NSMCE2: variants seen among roughly 807,000 people sequenced by gnomAD.
The protein encoded by NSMCE2 is E3 SUMO-protein ligase NSE2.
Under a neutral mutation model 23.8 loss-of-function variants are expected in NSMCE2, and 24 were observed. The observed-to-expected ratio is 1.01, with a 90% CI of 0.73 to 1.42. NSMCE2 has a LOEUF of 1.42. Among genes scored for constraint, NSMCE2 ranks in the 40% most tolerant of loss-of-function variants. The pLI is 0.00. For synonymous variants in NSMCE2, 92 were observed against 94.1 expected (o/e 0.98, Z 0.13); for missense variants, 284 against 296.5 (o/e 0.96, Z 0.31).
intron 5 of NSMCE2, among the ~76,000 whole-genome samples, chr8:125,320,329 A>G (rs1016203949): frequency 6.7e-6 from 1 of 149,894 alleles, no homozygotes; most frequent in African/African-American, 2.5e-5. Flanking sequence ...GAAGGGAAGG[A>G]AGGCAGGCTG....
chr8:125,183,402 A>AT (rs147597821), intron 5 of NSMCE2, among the ~76,000 whole-genome samples: 6,205 of 149,810 alleles, frequency 0.041, 416 homozygotes, highest in African/African-American at 0.15. Context: ...TTTTAAGTTT[A>AT]TTTTTGTTCT....
rs565593006 is a variant in NSMCE2 at position 125,170,376 on chromosome 8, C to CT, written c.265-11688dup. Among the ~76,000 whole-genome samples, 26 of 37,862 alleles carry CT rather than the reference C, an allele frequency of 6.9e-4. 2 individuals carry two copies. The highest frequency in any genetic ancestry group is 2.8e-3 in the East Asian group (2 of 726). 24.8% of individuals were successfully genotyped at this position (37,862 alleles called of 152,430 possible). On this transcript the variant is annotated intron_variant, in intron 4 of 7. Coordinates refer to ENST00000287437, the MANE Select transcript of NSMCE2 (RefSeq NM_173685.4). ...CATCAATAAACCTTACTCTTTATTT[C>CT]TTTTTTTTTTTTTTTTTTTTTTTTT...
At chr8:125,161,558 G>A (rs1400576383) in intron 4 of NSMCE2, among the ~76,000 whole-genome samples, 1 of 152,130 alleles carries the variant, frequency 6.6e-6, no homozygotes, top group Non-Finnish European at 1.5e-5. Flanking sequence ...AGCACTTTGG[G>A]AGGCTGAGGC....
intron 3 of NSMCE2, among the ~76,000 whole-genome samples, chr8:125,123,568 C>T (rs766569519): frequency 2.6e-5 from 4 of 152,260 alleles, no homozygotes; most frequent in Non-Finnish European, 5.9e-5. Flanking sequence ...ATATCTTCTG[C>T]AGTGCTAACC....
intron 5 of NSMCE2, among the ~76,000 whole-genome samples, chr8:125,242,547 C>T (rs535580712): frequency 6.6e-6 from 1 of 151,966 alleles, no homozygotes; most frequent in African/African-American, 2.4e-5. Flanking sequence ...TTGGTTCCAG[C>T]AAGAACTGTT....
intron 5 of NSMCE2, among the ~76,000 whole-genome samples, chr8:125,245,912 T>C (rs1330168607): frequency 6.6e-6 from 1 of 151,830 alleles, no homozygotes; most frequent in African/African-American, 2.4e-5. Flanking sequence ...TAATCCCAGC[T>C]ACTCGGGAGG....
intron 5 of NSMCE2, among the ~76,000 whole-genome samples, chr8:125,194,718 A>T (rs539810682): frequency 4.3e-4 from 66 of 152,116 alleles, no homozygotes; most frequent in African/African-American, 1.3e-3. Flanking sequence ...ATAAAATTTT[A>T]AAAAAAAGAA....
intron 5 of NSMCE2, among the ~76,000 whole-genome samples, chr8:125,255,459 A>G (rs965710488): frequency 6.6e-6 from 1 of 152,154 alleles, no homozygotes; most frequent in Non-Finnish European, 1.5e-5. Context: ...GACTCCCTCA[A>G]TGAATGAGAT....
Position 125,270,129 on chromosome 8 carries a change from G to A in NSMCE2, c.419-87090G>A, listed in dbSNP as rs557052233. 3.3e-5 allele frequency among the ~76,000 whole-genome samples: 5 copies of A among 152,274 alleles called. No homozygotes were observed. In the East Asian group the frequency reaches 9.7e-4, roughly 29 times the overall value. On this transcript the variant is annotated intron_variant, in intron 5 of 7. Coordinates refer to ENST00000287437, the MANE Select transcript of NSMCE2 (RefSeq NM_173685.4). ...GAGGTAAAAAATGAAGTTGGAGACA[G>A]TATACAGGAGATAGATTATGAACAT...
At chr8:125,173,529 A>T (rs1822326658) in intron 4 of NSMCE2, among the ~76,000 whole-genome samples, 1 of 152,226 alleles carries the variant, frequency 6.6e-6, no homozygotes, top group Admixed American at 6.5e-5. Flanking sequence ...ATGATAGGGT[A>T]TGTGGTAAGA....
intron 3 of NSMCE2, among the ~76,000 whole-genome samples, chr8:125,130,977 C>T (rs370003867): frequency 3.3e-5 from 5 of 152,146 alleles, no homozygotes; most frequent in Admixed American, 2.0e-4. Flanking sequence ...TTAGGGTTTA[C>T]GGACAGTTCT....
At chr8:125,173,825 C>T (rs1025415334) in intron 4 of NSMCE2, among the ~76,000 whole-genome samples, 9 of 152,080 alleles carry the variant, frequency 5.9e-5, no homozygotes, top group African/African-American at 1.4e-4. Context: ...TTAAGGTGAA[C>T]GGGGGTTTGA....
At chr8:125,365,697 A>C (rs1181712565) in intron 7 of NSMCE2, among the ~76,000 whole-genome samples, 1 of 152,012 alleles carries the variant, frequency 6.6e-6, no homozygotes, top group African/African-American at 2.4e-5. Context: ...CTCTACTAAA[A>C]ATACACAAAA....
At chr8:125,213,152 T>C (rs1824415877) in intron 5 of NSMCE2, among the ~76,000 whole-genome samples, 1 of 152,194 alleles carries the variant, frequency 6.6e-6, no homozygotes, top group Non-Finnish European at 1.5e-5. Context: ...AAAAGAAATG[T>C]TGAACATTTG....
At chr8:125,130,319 C>T (rs1421899349) in intron 3 of NSMCE2, 3 of 453,888 alleles carry the variant, frequency 6.6e-6, no homozygotes, top group Admixed American at 4.8e-5. Flanking sequence ...GATCACCTGG[C>T]CCTAGTAGTG....
At chr8:125,305,297 A>G (rs73704921) in intron 5 of NSMCE2, among the ~76,000 whole-genome samples, 5 of 152,328 alleles carry the variant, frequency 3.3e-5, no homozygotes, top group African/African-American at 1.2e-4. Context: ...TACTACTGTG[A>G]AAACCTAAAC....
intron 4 of NSMCE2, among the ~76,000 whole-genome samples, chr8:125,155,473 A>G (rs1203928844): frequency 6.6e-6 from 1 of 152,196 alleles, no homozygotes; most frequent in African/African-American, 2.4e-5. Flanking sequence ...ATAGTTGAGT[A>G]ACCTAAGATT....
intron 1 of NSMCE2, among the ~76,000 whole-genome samples, chr8:125,096,445 T>A (rs1445553241): frequency 6.6e-6 from 1 of 152,154 alleles, no homozygotes; most frequent in Non-Finnish European, 1.5e-5. Flanking sequence ...AGGATTATTT[T>A]TTTCAGTGTA....
At chr8:125,108,109 C>T (rs891145061) in intron 3 of NSMCE2, among the ~76,000 whole-genome samples, 2 of 152,080 alleles carry the variant, frequency 1.3e-5, no homozygotes, top group Admixed American at 1.3e-4. Context: ...GAAGAAATTA[C>T]GATGAAAATA....
Sources: allele counts gnomAD v4.1 joint callset (sites outside exome capture counted in the v4.1 genomes callset), GRCh38; gene constraint gnomAD v4.1.1; transcripts MANE v1.5; gene names NCBI Gene and HGNC (gene_info 2026-07-23, HGNC 2026-07-21).